The following MSI2 variants were observed in gnomAD, a reference collection of about 807,000 sequenced individuals.
The protein encoded by MSI2 is musashi RNA binding protein 2.
Under a neutral mutation model 45.6 loss-of-function variants are expected in MSI2, and 17 were observed. The ratio of observed to expected loss-of-function variants is 0.37; its 90% confidence interval spans 0.26 to 0.56. The LOEUF (loss-of-function observed/expected upper bound fraction) is 0.56. Among genes scored for constraint, MSI2 ranks in the 20% least tolerant of loss-of-function variants. The pLI, the probability that MSI2 is intolerant of heterozygous loss-of-function variation, is 0.77. For synonymous variants in MSI2, 156 were observed against 158.2 expected (o/e 0.99, Z 0.11); for missense variants, 293 against 444.2 (o/e 0.66, Z 3.06).
chr17:57,686,754 A>G (rs537397660), downstream of MSI2, among the ~76,000 whole-genome samples: 1 of 152,362 alleles, frequency 6.6e-6, no homozygotes, highest in African/African-American at 2.4e-5. Flanking sequence ...AAGACTTTAA[A>G]TCAAAAGCCA....
intron 5 of MSI2, among the ~76,000 whole-genome samples, chr17:57,296,065 C>T (rs1910927237): frequency 8.3e-6 from 1 of 120,452 alleles, no homozygotes; most frequent in Non-Finnish European, 1.6e-5. Context: ...CAATAATAAT[C>T]CTCTCTGGTC....
At chr17:57,661,224 G>A (rs1911966705) in intron 11 of MSI2, among the ~76,000 whole-genome samples, 1 of 152,094 alleles carries the variant, frequency 6.6e-6, no homozygotes, top group African/African-American at 2.4e-5. Context: ...CCAGTCCTCT[G>A]GGGAGGACAA....
chr17:57,435,884 C>T (rs1360239415), intron 6 of MSI2, among the ~76,000 whole-genome samples: 1 of 152,202 alleles, frequency 6.6e-6, no homozygotes, highest in Non-Finnish European at 1.5e-5. Context: ...GGAACTGCCA[C>T]ACTCTTAATA....
intron 5 of MSI2, among the ~76,000 whole-genome samples, chr17:57,378,039 C>T (rs925606355): frequency 6.7e-6 from 1 of 149,612 alleles, no homozygotes; most frequent in Non-Finnish European, 1.5e-5. Flanking sequence ...TGCACCACTG[C>T]ACTCCAGCCT....
the MSI2 span, among the ~76,000 whole-genome samples, chr17:57,701,352 G>A: frequency 1.7e-3 from 256 of 152,310 alleles, 1 homozygote; most frequent in African/African-American, 6.0e-3. Context: ...GGGCCTTTGG[G>A]AGGTAATTAG....
In MSI2 at chr17:57,681,722, T is replaced by C. The variant is rs1295072579; in HGVS notation, c.*2205T>C. On this transcript the variant is annotated 3_prime_UTR_variant, in exon 14 of 14. Coordinates refer to ENST00000284073, the MANE Select transcript of MSI2 (RefSeq NM_138962.4). ...TTGTTGTTTTTTTCCTTTCTTTGTT[T>C]CTTTTCTTTTCCCCCAAACAACCAG... is the stretch of plus-strand genomic sequence containing the variant. 5.2e-6 allele frequency: 1 copy of C among 193,202 alleles called. No homozygotes were observed. 12.0% of individuals were successfully genotyped at this position (193,202 alleles called of 1,614,324 possible). A position where few individuals can be genotyped will look rare whatever the true frequency, so the allele number is the denominator to read the frequency against.
At chr17:57,520,861 C>T (rs1284195449) in intron 6 of MSI2, among the ~76,000 whole-genome samples, 2 of 151,688 alleles carry the variant, frequency 1.3e-5, no homozygotes, top group Admixed American at 6.6e-5. Flanking sequence ...GATGGAGTTT[C>T]ACCATGTTAG....
chr17:57,567,748 C>T (rs147072927), intron 7 of MSI2, among the ~76,000 whole-genome samples: 2 of 152,312 alleles, frequency 1.3e-5, no homozygotes, highest in African/African-American at 4.8e-5. Flanking sequence ...CAGAGATGAT[C>T]TGATTACCTG....
At chr17:57,675,201 G>A in intron 12 of MSI2, 75 bp downstream of exon 12, 1 of 1,461,548 alleles carries the variant, frequency 6.8e-7, no homozygotes, top group East Asian at 2.3e-5. Context: ...GGTGTGCCAG[G>A]AAAGCCCAAC....
At chr17:57,615,604 A>G (rs557298303) in intron 8 of MSI2, among the ~76,000 whole-genome samples, 3 of 152,304 alleles carry the variant, frequency 2.0e-5, no homozygotes, top group South Asian at 2.1e-4. Flanking sequence ...CTGAGGGATT[A>G]TTATTATTGC....
intron 13 of MSI2, among the ~76,000 whole-genome samples, chr17:57,677,913 C>T (rs772159993): frequency 5.3e-5 from 8 of 152,164 alleles, no homozygotes; most frequent in Non-Finnish European, 1.2e-4. Flanking sequence ...CTTGTGAAAG[C>T]GCTAGATGTG....
intron 5 of MSI2, among the ~76,000 whole-genome samples, chr17:57,373,566 C>T (rs898339327): frequency 6.6e-6 from 1 of 152,162 alleles, no homozygotes; most frequent in Non-Finnish European, 1.5e-5. Flanking sequence ...TCAGGAGATA[C>T]ACGGAAACCT....
chr17:57,511,135 G>A (rs1457705611), intron 6 of MSI2, among the ~76,000 whole-genome samples: 1 of 152,198 alleles, frequency 6.6e-6, no homozygotes, highest in Admixed American at 6.5e-5. Context: ...TCTAGAACCA[G>A]AGGGGGTCAG....
chr17:57,260,604 C>T (rs546525622), intron 4 of MSI2, among the ~76,000 whole-genome samples: 9 of 152,262 alleles, frequency 5.9e-5, no homozygotes, highest in East Asian at 5.8e-4. Context: ...TGTAGACAAG[C>T]GCTAGTCAGT....
the MSI2 span, among the ~76,000 whole-genome samples, chr17:57,698,898 T>A: frequency 1.4e-5 from 1 of 71,698 alleles, no homozygotes; most frequent in African/African-American, 4.7e-5. Flanking sequence ...AGGAAGTGTG[T>A]GTGTGTGTGT....
chr17:57,305,625 T>C (rs564366910), intron 5 of MSI2, among the ~76,000 whole-genome samples: 1 of 152,166 alleles, frequency 6.6e-6, no homozygotes, highest in South Asian at 2.1e-4. Flanking sequence ...TGAAGGAAGA[T>C]AAAGTGTGTT....
intron 11 of MSI2, among the ~76,000 whole-genome samples, chr17:57,654,693 C>T (rs1911453838): frequency 1.3e-5 from 2 of 152,146 alleles, no homozygotes; most frequent in Admixed American, 1.3e-4. Context: ...AGCATGAACT[C>T]AACTGCATTC....
In MSI2 at chr17:57,339,826, A is replaced by G. The variant is rs1446483091; in HGVS notation, c.313-61553A>G. ...CTCCCAGAAACTTTTCCAGCTTCCC[A>G]TGGTCTGTGCTTAGGGTGTATTCTG... On this transcript the variant is annotated intron_variant, in intron 5 of 13. Transcript: ENST00000284073. Among the ~76,000 whole-genome samples the G allele has an allele frequency of 3.9e-5, 6 of 152,136 alleles. No individual in the cohort carries two copies. The East Asian group carries it at 9.7e-4, about 25-fold the overall frequency.
chr17:57,465,578 A>G (rs538770105), intron 6 of MSI2, among the ~76,000 whole-genome samples: 33 of 152,270 alleles, frequency 2.2e-4, no homozygotes, highest in Admixed American at 9.2e-4. Flanking sequence ...AGCCCGTTGT[A>G]TGCCAGGCAT....
Sources: allele counts gnomAD v4.1 joint callset (sites outside exome capture counted in the v4.1 genomes callset), GRCh38; gene constraint gnomAD v4.1.1; transcripts MANE v1.5; gene names NCBI Gene and HGNC (gene_info 2026-07-23, HGNC 2026-07-21).